Variants in TAFA1 observed in about 807,000 individuals in gnomAD.
TAFA1 encodes chemokine-like protein TAFA-1.
TAFA1 carries 4 observed loss-of-function variants against 18.5 expected under a neutral mutation model. The observed-to-expected ratio is 0.22, with a 90% CI of 0.11 to 0.49. The LOEUF is 0.49. Among genes scored for constraint, TAFA1 ranks in the 20% least tolerant of loss-of-function variants. The pLI, the probability that TAFA1 is intolerant of heterozygous loss-of-function variation, is 0.98. For missense variants in TAFA1, 147 were observed against 169.0 expected (o/e 0.87, Z 0.72); for synonymous variants, 56 against 55.2 (o/e 1.01, Z -0.06).
chr3:68,523,865 A>AT (rs369629936), intron 3 of TAFA1, among the ~76,000 whole-genome samples: 17 of 151,906 alleles, frequency 1.1e-4, no homozygotes, highest in Non-Finnish European at 1.5e-5. Context: ...ATTTTATGTC[A>AT]TTTTTTTCCA....
rs2073089805 is a variant in TAFA1, at chr3:68,525,140, G to C, written c.260-13616G>C. Among the ~76,000 whole-genome samples the C allele has an allele frequency of 2.6e-5, 4 of 152,288 alleles. No homozygotes were observed. In the South Asian group the frequency reaches 8.3e-4, roughly 32 times the overall value. The stretch of plus-strand genomic sequence containing the variant: ...AGATCCATCTGAAACATTGCTGCAT[G>C]TATATTCCTGGTCTCCTTTGATTAT... On this transcript the variant is annotated intron_variant, in intron 3 of 4. Transcript: ENST00000478136.
At chr3:68,367,653 G>A (rs920082626) in intron 2 of TAFA1, among the ~76,000 whole-genome samples, 2 of 152,004 alleles carry the variant, frequency 1.3e-5, no homozygotes, top group Non-Finnish European at 2.9e-5. Flanking sequence ...CATTATAATC[G>A]CCTGAAAGAT....
chr3:68,280,944 C>T (rs2067887636), intron 2 of TAFA1, among the ~76,000 whole-genome samples: 1 of 151,910 alleles, frequency 6.6e-6, no homozygotes, highest in African/African-American at 2.4e-5. Flanking sequence ...GATTATAACA[C>T]CAGTATCTAT....
chr3:68,222,372 G>T (rs2066741738), intron 2 of TAFA1, among the ~76,000 whole-genome samples: 1 of 152,154 alleles, frequency 6.6e-6, no homozygotes, highest in African/African-American at 2.4e-5. Context: ...AAGGAAATAA[G>T]AATTGGTCTT....
At chr3:68,120,047 C>G (rs927240159) in intron 2 of TAFA1, among the ~76,000 whole-genome samples, 1 of 152,128 alleles carries the variant, frequency 6.6e-6, no homozygotes, top group Non-Finnish European at 1.5e-5. Context: ...AAAGTCAGAG[C>G]AGGGTAGGAT....
intron 3 of TAFA1, among the ~76,000 whole-genome samples, chr3:68,425,528 T>C (rs748803622): frequency 1.9e-4 from 29 of 152,026 alleles, no homozygotes; most frequent in Non-Finnish European, 2.5e-4. Context: ...AAATCCTCCT[T>C]GAAACAGCAT....
At chr3:68,040,831 T>A (rs1210531705) in intron 2 of TAFA1, among the ~76,000 whole-genome samples, 1 of 152,226 alleles carries the variant, frequency 6.6e-6, no homozygotes, top group Non-Finnish European at 1.5e-5. Flanking sequence ...TTTACATTTA[T>A]CCCAATTATT....
intron 2 of TAFA1, among the ~76,000 whole-genome samples, chr3:68,111,056 T>C (rs1251540179): frequency 6.6e-6 from 1 of 152,240 alleles, no homozygotes; most frequent in Non-Finnish European, 1.5e-5. Flanking sequence ...TGCTAGGGCA[T>C]AGCTGCCAAG....
At chr3:68,168,528 T>G (rs1381481533) in intron 2 of TAFA1, among the ~76,000 whole-genome samples, 1 of 152,254 alleles carries the variant, frequency 6.6e-6, no homozygotes, top group Non-Finnish European at 1.5e-5. Context: ...TAATGTCTTC[T>G]TAATTCTATT....
chr3:67,992,825 TA>T, the TAFA1 span, among the ~76,000 whole-genome samples: 9 of 152,184 alleles, frequency 5.9e-5, no homozygotes, highest in African/African-American at 2.2e-4. Flanking sequence ...CTTCCCCAGG[TA>T]ACCTTTTTCC....
chr3:68,178,482 A>G (rs368881654), intron 2 of TAFA1, among the ~76,000 whole-genome samples: 77 of 152,326 alleles, frequency 5.1e-4, no homozygotes, highest in African/African-American at 1.8e-3. Context: ...TTAAGATGGA[A>G]ATTAATAATG....
At chr3:68,406,000 C>T (rs937187983) in intron 2 of TAFA1, among the ~76,000 whole-genome samples, 8 of 152,028 alleles carry the variant, frequency 5.3e-5, no homozygotes, top group Non-Finnish European at 1.2e-4. Flanking sequence ...TTATTAATTA[C>T]TTTTCATATA....
intron 2 of TAFA1, among the ~76,000 whole-genome samples, chr3:68,331,073 G>A (rs2068859519): frequency 6.6e-6 from 1 of 152,066 alleles, no homozygotes; most frequent in Non-Finnish European, 1.5e-5. Flanking sequence ...TAACCAAAAT[G>A]TGGTATATCC....
intron 2 of TAFA1, among the ~76,000 whole-genome samples, chr3:68,210,542 A>C (rs1445124380): frequency 6.6e-6 from 1 of 152,022 alleles, no homozygotes; most frequent in Non-Finnish European, 1.5e-5. Flanking sequence ...AGCATAATGA[A>C]GGGAATCTGT....
At chr3:68,109,471 AT>A (rs2065240386) in intron 2 of TAFA1, among the ~76,000 whole-genome samples, 1 of 152,182 alleles carries the variant, frequency 6.6e-6, no homozygotes, top group Non-Finnish European at 1.5e-5. Flanking sequence ...CTGAAGTTTA[AT>A]TGCATGGAAT....
intron 2 of TAFA1, among the ~76,000 whole-genome samples, chr3:68,315,816 A>G (rs1270419813): frequency 2.0e-5 from 3 of 152,196 alleles, no homozygotes; most frequent in Non-Finnish European, 4.4e-5. Context: ...TTGGGCTGCT[A>G]TATATGGAAA....
chr3:68,015,219 A>G (rs969198430), intron 2 of TAFA1, among the ~76,000 whole-genome samples: 5 of 152,166 alleles, frequency 3.3e-5, no homozygotes, highest in Non-Finnish European at 7.4e-5. Flanking sequence ...TAATGAAGAC[A>G]ATAGTTGATT....
intron 2 of TAFA1, among the ~76,000 whole-genome samples, chr3:68,266,274 G>A (rs2067545261): frequency 6.6e-6 from 1 of 152,152 alleles, no homozygotes; most frequent in Non-Finnish European, 1.5e-5. Context: ...AGAGAGTGAA[G>A]CTTGATCTTT....
At chr3:68,167,401 C>A (rs71310796) in intron 2 of TAFA1, among the ~76,000 whole-genome samples, 1 of 151,882 alleles carries the variant, frequency 6.6e-6, no homozygotes. Context: ...CATGGTGAAA[C>A]CCCCGTCTCT....
Sources: gnomAD v4.1 joint callset for allele counts (sites outside exome capture counted in the v4.1 genomes callset) on GRCh38, gnomAD v4.1.1 for gene constraint, MANE v1.5 for transcripts, NCBI Gene and HGNC (gene_info 2026-07-23, HGNC 2026-07-21) for gene names.